The following MED12L variants were observed in gnomAD, a reference collection of about 807,000 sequenced individuals.
The protein encoded by MED12L is mediator complex subunit 12L, also known as mediator of RNA polymerase II transcription subunit 12-like protein.
MED12L carries 60 observed loss-of-function variants against 281.3 expected under a neutral mutation model. The observed-to-expected ratio is 0.21, with a 90% CI of 0.17 to 0.26. The LOEUF is 0.26. Among genes scored for constraint, MED12L ranks in the 10% least tolerant of loss-of-function variants. The probability of loss-of-function intolerance (pLI) is 1.00; values close to 1 mark genes in which losing one functional copy is unlikely to be tolerated. For synonymous variants in MED12L, 974 were observed against 987.2 expected (o/e 0.99, Z 0.25); for missense variants, 2,146 against 2,680.9 (o/e 0.80, Z 4.41).
chr3:151,425,600 GCAAA>G (rs1718789734), intron 43 of MED12L: 1 of 454,648 alleles, frequency 2.2e-6, no homozygotes, highest in African/African-American at 2.0e-5. Context: ...GTTTAATTCA[GCAAA>G]CAATGGTATT....
intron 41 of MED12L, 150 bp downstream of exon 41, chr3:151,411,657 A>G: frequency 4.4e-6 from 3 of 676,932 alleles, no homozygotes; most frequent in Non-Finnish European, 5.0e-6. Flanking sequence ...TTTTAGTAGT[A>G]TCCAGATAGA....
chr3:151,297,740 G>GT (rs1221241847), intron 16 of MED12L, among the ~76,000 whole-genome samples: 1 of 152,000 alleles, frequency 6.6e-6, no homozygotes, highest in Non-Finnish European at 1.5e-5. Flanking sequence ...ATATTTTAAA[G>GT]TTTAATTATA....
chr3:151,329,522 C>T, intron 16 of MED12L: 1 of 1,547,412 alleles, frequency 6.5e-7, no homozygotes, highest in African/African-American at 1.4e-5. Flanking sequence ...CTTATGGCGG[C>T]AGTCATTAGT....
rs151313221 is a variant in MED12L, at chr3:151,356,015, C to T, written c.2637C>T (p.Asn879=). Residue 879 remains asparagine, a synonymous_variant, in exon 19 of 45, where the codon AAC becomes AAT. Coordinates refer to ENST00000687756, the MANE Select transcript of MED12L (RefSeq NM_001393769.1). ...TCATGGAGCCAGCACTGAACATCAA[C>T]GGACTAATTGACTTCGCAATACAGG... is the stretch of plus-strand genomic sequence containing the variant. ...FDLMEPALNI[N]GLIDFAIQLL... 98 of 1,612,910 alleles carry T rather than the reference C, an allele frequency of 6.1e-5. No homozygotes were observed. In the African/African-American group the frequency reaches 7.2e-4, roughly 12 times the overall value.
chr3:151,179,695 C>T (rs1722486953), intron 11 of MED12L, among the ~76,000 whole-genome samples: 1 of 152,196 alleles, frequency 6.6e-6, no homozygotes, highest in Admixed American at 6.5e-5. Context: ...TGGTCATGCA[C>T]CATTGACCTT....
At chr3:151,318,819 T>G (rs948109295) in intron 16 of MED12L, among the ~76,000 whole-genome samples, 2 of 152,212 alleles carry the variant, frequency 1.3e-5, no homozygotes, top group Non-Finnish European at 2.9e-5. Flanking sequence ...TATGAAATTT[T>G]CCTGTATAAT....
intron 16 of MED12L, among the ~76,000 whole-genome samples, chr3:151,288,262 A>T (rs367791535): frequency 2.0e-5 from 3 of 152,224 alleles, no homozygotes; most frequent in Non-Finnish European, 2.9e-5. Context: ...CATGCTGCTT[A>T]TAGGAGTGAC....
At chr3:151,371,427 G>T (rs1171205117) in intron 26 of MED12L, among the ~76,000 whole-genome samples, 3 of 152,124 alleles carry the variant, frequency 2.0e-5, no homozygotes, top group Non-Finnish European at 2.9e-5. Context: ...AATCCTGTGG[G>T]TAAAGTGAAG....
rs35528070 is a variant in MED12L, at chr3:151,289,881, A to AT, written c.2251-60162dup. On this transcript the variant is annotated intron_variant, in intron 16 of 44. Transcript: ENST00000687756. ...CAACCACTGAATATTCTCGAACACAATTTTTTTTTTTTTTTTAAAGACAGA... is the reference window on the plus strand; with the variant it reads ...CAACCACTGAATATTCTCGAACACAATTTTTTTTTTTTTTTTTAAAGACAGA... Among the ~76,000 whole-genome samples the AT allele has an allele frequency of 1.7e-3, 242 of 145,122 alleles. 1 individual carries two copies. The highest frequency in any genetic ancestry group is 2.4e-3 in the South Asian group (11 of 4,594).
chr3:151,328,125 A>G, intron 16 of MED12L: 1 of 1,613,150 alleles, frequency 6.2e-7, no homozygotes, highest in Non-Finnish European at 8.5e-7. Context: ...GGATCCATAC[A>G]AATGTTAGTT....
At chr3:151,307,592 G>A (rs558538156) in intron 16 of MED12L, among the ~76,000 whole-genome samples, 2 of 149,694 alleles carry the variant, frequency 1.3e-5, no homozygotes, top group African/African-American at 2.5e-5. Flanking sequence ...TGTGTTTAGA[G>A]CAGATGGGGG....
chr3:151,243,347 T>C (rs972095265), intron 16 of MED12L, among the ~76,000 whole-genome samples: 4 of 150,072 alleles, frequency 2.7e-5, no homozygotes, highest in African/African-American at 7.4e-5. Context: ...AAGGAAAAAA[T>C]GTTAAGGGCA....
intron 39 of MED12L, among the ~76,000 whole-genome samples, chr3:151,402,719 C>T (rs548885735): frequency 6.6e-6 from 1 of 152,112 alleles, no homozygotes; most frequent in Non-Finnish European, 1.5e-5. Context: ...ATGAATATCA[C>T]CATATTGTTT....
chr3:151,133,328 T>C (rs1715675301), intron 5 of MED12L, among the ~76,000 whole-genome samples: 1 of 152,184 alleles, frequency 6.6e-6, no homozygotes, highest in East Asian at 1.9e-4. Context: ...TTACTGTCGT[T>C]ATGCAGAGAG....
At chr3:151,333,412 TTTTTGAC>T (rs1175787263) in intron 16 of MED12L, among the ~76,000 whole-genome samples, 6 of 152,196 alleles carry the variant, frequency 3.9e-5, no homozygotes, top group Non-Finnish European at 8.8e-5. Context: ...TATCTGTTAT[TTTTTGAC>T]TTTTAAGTAA....
intron 16 of MED12L, among the ~76,000 whole-genome samples, chr3:151,345,378 C>A (rs993089403): frequency 6.6e-6 from 1 of 152,004 alleles, no homozygotes; most frequent in Non-Finnish European, 1.5e-5. Context: ...AACTTGAGGG[C>A]GTTTAAACAC....
At chr3:151,214,327 C>A (rs747854349) in intron 16 of MED12L, 2 of 1,608,408 alleles carry the variant, frequency 1.2e-6, no homozygotes, top group Non-Finnish European at 8.5e-7. Context: ...CTTGTAACTT[C>A]TGAAGGCAGA....
At chr3:151,118,091 A>C (rs1438176873) in intron 3 of MED12L, among the ~76,000 whole-genome samples, 1 of 67,282 alleles carries the variant, frequency 1.5e-5, no homozygotes, top group Non-Finnish European at 2.5e-5. Context: ...ACTCCATCTC[A>C]AAAAAAAAAA....
chr3:151,178,478 T>C (rs1576898464), intron 11 of MED12L, among the ~76,000 whole-genome samples: 1 of 152,042 alleles, frequency 6.6e-6, no homozygotes. Context: ...AAGCCAGAGG[T>C]GCTGGGGGCT....
Sources: gnomAD v4.1 joint callset for allele counts (sites outside exome capture counted in the v4.1 genomes callset) on GRCh38, gnomAD v4.1.1 for gene constraint, MANE v1.5 for transcripts, NCBI Gene and HGNC (gene_info 2026-07-23, HGNC 2026-07-21) for gene names.